Variants in PRDM5 observed in about 807,000 individuals in gnomAD.
The protein encoded by PRDM5 is PR/SET domain 5, also known as PR domain zinc finger protein 5.
In PRDM5, 56 loss-of-function variants were observed where a neutral mutation model predicts 81.2. The observed-to-expected ratio is 0.69, with a 90% CI of 0.56 to 0.86. The LOEUF (loss-of-function observed/expected upper bound fraction) is 0.86. Among genes scored for constraint, PRDM5 ranks in the 40% least tolerant of loss-of-function variants. The probability of loss-of-function intolerance (pLI) is 0.00; values close to 1 mark genes in which losing one functional copy is unlikely to be tolerated. For missense variants in PRDM5, 697 were observed against 770.1 expected, an observed-to-expected ratio of 0.91 and a Z score of 1.12; for synonymous variants, 267 against 256.4, an observed-to-expected ratio of 1.04 and a Z score of -0.39.
At chr4:120,784,353 T>C (rs756829407) in intron 11 of PRDM5, among the ~76,000 whole-genome samples, 61 of 152,070 alleles carry the variant, frequency 4.0e-4, no homozygotes, top group Non-Finnish European at 7.5e-4. Context: ...CAGTAGCAAG[T>C]AGGAAACGCA....
At chr4:120,859,381 G>A (rs995861654) in intron 2 of PRDM5, among the ~76,000 whole-genome samples, 7 of 148,132 alleles carry the variant, frequency 4.7e-5, no homozygotes, top group Admixed American at 2.7e-4. Context: ...CACCTTGCCC[G>A]GCTAATAATT....
chr4:120,862,378 A>T (rs1760701874), intron 2 of PRDM5, among the ~76,000 whole-genome samples: 1 of 152,236 alleles, frequency 6.6e-6, no homozygotes, highest in South Asian at 2.1e-4. Context: ...TGTACTGATC[A>T]CTATAAAGGA....
intron 2 of PRDM5, among the ~76,000 whole-genome samples, chr4:120,891,560 G>A (rs1764045143): frequency 6.6e-6 from 1 of 151,904 alleles, no homozygotes; most frequent in African/African-American, 2.4e-5. Context: ...GTTATTTCTT[G>A]TATTCTGCTA....
In PRDM5 at chr4:120,812,264, C is replaced by G. The variant is rs112698616; in HGVS notation, c.866-815G>C. ...AATAAACATGGGAGTGCAGATATCT[C>G]TTCAATATACTGATTTCCTTTCACT... On this transcript the variant is annotated intron_variant, in intron 7 of 15. Transcript: ENST00000264808. Among the ~76,000 whole-genome samples the G allele has an allele frequency of 7.8e-3, 1,181 of 152,184 alleles. 15 individuals are homozygous for G. Among genetic ancestry groups the G allele is most frequent in the African/African-American group, 0.027 (1,118 of 41,554 alleles).
intron 14 of PRDM5, among the ~76,000 whole-genome samples, chr4:120,718,036 C>G (rs190786152): frequency 1.6e-4 from 24 of 152,238 alleles, no homozygotes; most frequent in Admixed American, 1.3e-3. Flanking sequence ...ACTGTCAGAG[C>G]CTGTGGTCTT....
intron 13 of PRDM5, among the ~76,000 whole-genome samples, chr4:120,758,786 C>T (rs1383925869): frequency 2.7e-5 from 4 of 150,016 alleles, no homozygotes; most frequent in Non-Finnish European, 4.4e-5. Flanking sequence ...GATGGAGTCT[C>T]GCTCTGTTGC....
intron 13 of PRDM5, 146 bp from the exon 14 acceptor site, chr4:120,754,784 C>A: frequency 2.9e-6 from 2 of 696,564 alleles, no homozygotes; most frequent in African/African-American, 1.7e-5. Context: ...CAGGGCAGAT[C>A]CAAGCATGGG....
At chr4:120,882,223 T>C (rs1429022127) in intron 2 of PRDM5, among the ~76,000 whole-genome samples, 2 of 152,184 alleles carry the variant, frequency 1.3e-5, no homozygotes, top group Non-Finnish European at 2.9e-5. Context: ...TATGGCTTCA[T>C]TGCAACCTCC....
chr4:120,792,838 C>T (rs942103596), intron 10 of PRDM5, among the ~76,000 whole-genome samples: 2 of 152,032 alleles, frequency 1.3e-5, no homozygotes, highest in Admixed American at 1.3e-4. Flanking sequence ...ATCTCACTTA[C>T]ATGTGGAATC....
intron 3 of PRDM5, chr4:120,838,037 G>C (rs1757564666): frequency 6.6e-6 from 1 of 152,154 alleles, no homozygotes; most frequent in South Asian, 2.1e-4. Flanking sequence ...AGTATAATAA[G>C]ACAGTATGTA....
intron 14 of PRDM5, among the ~76,000 whole-genome samples, chr4:120,736,687 T>G (rs1474205362): frequency 3.3e-5 from 5 of 152,176 alleles, no homozygotes. Flanking sequence ...TCTTGTACTA[T>G]ATATTCGATC....
At chr4:120,767,072 T>C (rs972965089) in intron 13 of PRDM5, among the ~76,000 whole-genome samples, 10 of 152,130 alleles carry the variant, frequency 6.6e-5, no homozygotes, top group Non-Finnish European at 1.2e-4. Context: ...CAGTTGGTTA[T>C]TTAAGGTAGT....
At chr4:120,849,610 T>C (rs1319632998) in intron 3 of PRDM5, among the ~76,000 whole-genome samples, 1 of 152,158 alleles carries the variant, frequency 6.6e-6, no homozygotes, top group African/African-American at 2.4e-5. Flanking sequence ...CCTGAAAATA[T>C]GGGCTTAAGA....
chr4:120,890,169 T>A (rs540152491), intron 2 of PRDM5, among the ~76,000 whole-genome samples: 49 of 152,294 alleles, frequency 3.2e-4, no homozygotes, highest in Middle Eastern at 3.4e-3. Context: ...TGGCATCTGC[T>A]TAGCTTCTGG....
At chr4:120,748,821 C>T (rs1484888965) in intron 14 of PRDM5, among the ~76,000 whole-genome samples, 1 of 152,016 alleles carries the variant, frequency 6.6e-6, no homozygotes, top group Non-Finnish European at 1.5e-5. Flanking sequence ...TTGCCTGAGG[C>T]CGCCAGGGTC....
intron 14 of PRDM5, among the ~76,000 whole-genome samples, chr4:120,734,884 C>A (rs768579499): frequency 2.0e-5 from 3 of 152,204 alleles, no homozygotes; most frequent in Non-Finnish European, 4.4e-5. Context: ...ATACTTTCAG[C>A]GTGGTCTTTG....
intron 11 of PRDM5, among the ~76,000 whole-genome samples, chr4:120,784,057 G>A (rs1391902663): frequency 3.3e-5 from 5 of 152,116 alleles, no homozygotes; most frequent in South Asian, 2.1e-4. Flanking sequence ...TTAAAAGTAA[G>A]AAGTGTAAAT....
At chr4:120,722,083 G>T (rs1316406456) in intron 14 of PRDM5, among the ~76,000 whole-genome samples, 1 of 152,212 alleles carries the variant, frequency 6.6e-6, no homozygotes, top group South Asian at 2.1e-4. Flanking sequence ...CGGCTACGCA[G>T]ATGTGTATGG....
At chr4:120,774,595 G>T (rs925090928) in intron 13 of PRDM5, among the ~76,000 whole-genome samples, 2 of 152,186 alleles carry the variant, frequency 1.3e-5, no homozygotes, top group Non-Finnish European at 2.9e-5. Context: ...ATTTGTCCAT[G>T]CAGGAAAACA....
Sources: allele counts gnomAD v4.1 joint callset (sites outside exome capture counted in the v4.1 genomes callset), GRCh38; gene constraint gnomAD v4.1.1; transcripts MANE v1.5; gene names NCBI Gene and HGNC (gene_info 2026-07-23, HGNC 2026-07-21).